TEX36: variants seen among roughly 807,000 people sequenced by gnomAD.
TEX36 encodes the protein testis expressed 36.
In TEX36, 12 loss-of-function variants were observed where a neutral mutation model predicts 13.6. That is an observed-to-expected ratio of 0.88 (90% CI 0.56 to 1.43). The LOEUF is 1.43. TEX36 is among the 40% of genes most tolerant of loss of function. The probability of loss-of-function intolerance (pLI) is 0.00; values close to 1 mark genes in which losing one functional copy is unlikely to be tolerated. For synonymous variants in TEX36, 93 were observed against 83.0 expected (o/e 1.12, Z -0.65); for missense variants, 224 against 228.3 (o/e 0.98, Z 0.12).
At chr10:125,618,655 C>T (rs531668893), downstream of TEX36, among the ~76,000 whole-genome samples, 1 of 152,150 alleles carries the variant, frequency 6.6e-6, no homozygotes, top group South Asian at 2.1e-4. Flanking sequence ...CTCCCAGCTC[C>T]ACAGCCTAGG....
chr10:125,666,668 C>T (rs1319009727), intron 1 of TEX36, among the ~76,000 whole-genome samples: 1 of 152,120 alleles, frequency 6.6e-6, no homozygotes, highest in African/African-American at 2.4e-5. Flanking sequence ...CTCCCCGCCC[C>T]CCCTCCTCCA....
chr10:125,676,887 A>C (rs1232918518), intron 1 of TEX36, among the ~76,000 whole-genome samples: 1 of 152,174 alleles, frequency 6.6e-6, no homozygotes, highest in African/African-American at 2.4e-5. Flanking sequence ...AGGTCAATCT[A>C]ATGGTAAAAA....
intron 1 of TEX36, among the ~76,000 whole-genome samples, chr10:125,670,725 G>C (rs567103267): frequency 1.4e-3 from 207 of 152,240 alleles, no homozygotes; most frequent in Non-Finnish European, 2.5e-3. Flanking sequence ...TATAGTTTTG[G>C]GGTTTACATT....
intron 3 of TEX36, among the ~76,000 whole-genome samples, chr10:125,634,290 CT>C (rs1846596909): frequency 6.6e-6 from 1 of 152,168 alleles, no homozygotes; most frequent in Non-Finnish European, 1.5e-5. Context: ...TGCAACATCT[CT>C]CTTTGATGCC....
At chr10:125,624,231 T>C (rs1188967419) in intron 3 of TEX36, among the ~76,000 whole-genome samples, 1 of 152,186 alleles carries the variant, frequency 6.6e-6, no homozygotes, top group South Asian at 2.1e-4. Flanking sequence ...CTCCCTGCCA[T>C]TCACTATCCC....
At chr10:125,595,266 GTCCCTCCCT>G (rs1846066307) in intron 3 of TEX36, among the ~76,000 whole-genome samples, 1 of 151,864 alleles carries the variant, frequency 6.6e-6, no homozygotes, top group Non-Finnish European at 1.5e-5. Flanking sequence ...TAAATAGGTT[GTCCCTCCCT>G]CATAAAAATC....
chr10:125,587,699 A>G (rs2133529023), intron 3 of TEX36, among the ~76,000 whole-genome samples: 1 of 150,638 alleles, frequency 6.6e-6, no homozygotes, highest in South Asian at 2.2e-4. Context: ...AGGCAGGAGA[A>G]TTGCTTGAAC....
chr10:125,648,799 G>C (rs984872515), intron 3 of TEX36, among the ~76,000 whole-genome samples: 1 of 152,160 alleles, frequency 6.6e-6, no homozygotes, highest in Non-Finnish European at 1.5e-5. Context: ...TTAATAAACA[G>C]AGTAGAGAAG....
downstream of TEX36, chr10:125,655,579 G>A: frequency 1.4e-6 from 1 of 711,642 alleles, no homozygotes; most frequent in Non-Finnish European, 1.8e-6. Context: ...AGGACATACA[G>A]GATTGGAGAT....
chr10:125,609,931 A>G (rs1488120424), intron 3 of TEX36, among the ~76,000 whole-genome samples: 1 of 152,220 alleles, frequency 6.6e-6, no homozygotes, highest in Non-Finnish European at 1.5e-5. Context: ...GGACGCAGTC[A>G]AGAGGCTGGA....
chr10:125,649,174 G>A (rs560900556), intron 3 of TEX36, among the ~76,000 whole-genome samples: 16 of 152,232 alleles, frequency 1.1e-4, no homozygotes, highest in South Asian at 1.0e-3. Context: ...GATACTCCTC[G>A]AGAAGTGCAA....
At chr10:125,587,108 G>A (rs1845963496) in intron 3 of TEX36, among the ~76,000 whole-genome samples, 1 of 152,156 alleles carries the variant, frequency 6.6e-6, no homozygotes, top group Non-Finnish European at 1.5e-5. Flanking sequence ...CCCAGAAGCA[G>A]AAGCCTGTAC....
chr10:125,644,502 A>G (rs1305271575), intron 3 of TEX36, among the ~76,000 whole-genome samples: 1 of 152,264 alleles, frequency 6.6e-6, no homozygotes, highest in East Asian at 1.9e-4. Context: ...AATGTCAGAC[A>G]TGATTAGCTA....
intron 3 of TEX36, among the ~76,000 whole-genome samples, chr10:125,581,119 C>T (rs1390565809): frequency 6.6e-6 from 1 of 152,326 alleles, no homozygotes; most frequent in East Asian, 1.9e-4. Context: ...TCCCTCCCAT[C>T]TCAAGTCCCC....
At position 125,647,626 on chromosome 10, in the gene TEX36, T is replaced by C. The variant is rs548927880; in HGVS notation, c.264+13395A>G. ...AGTGACACAGAAGATGGGTGATTTC[T>C]ACATTTCCAACTGAGTTACTGGGTT... On this transcript the variant is annotated intron_variant, in intron 3 of 3. Coordinates refer to the TEX36 transcript ENST00000526819. 1.4e-4 allele frequency among the ~76,000 whole-genome samples: 22 copies of C among 152,348 alleles called. 1 individual carries two copies. In the South Asian group the frequency reaches 4.6e-3, roughly 32 times the overall value.
chr10:125,676,670 T>C (rs1847318603), intron 1 of TEX36, among the ~76,000 whole-genome samples: 1 of 152,228 alleles, frequency 6.6e-6, no homozygotes, highest in Non-Finnish European at 1.5e-5. Context: ...TAAATTGTTT[T>C]CTTGTTGTTT....
downstream of TEX36, among the ~76,000 whole-genome samples, chr10:125,619,835 G>A (rs895369842): frequency 2.6e-5 from 4 of 151,904 alleles, no homozygotes; most frequent in South Asian, 2.1e-4. Context: ...GATTACAGGC[G>A]TGAGCCACCT....
intron 3 of TEX36, among the ~76,000 whole-genome samples, chr10:125,658,083 T>C (rs576487753): frequency 1.5e-4 from 23 of 152,188 alleles, no homozygotes; most frequent in African/African-American, 5.5e-4. Context: ...TAAATTGTCA[T>C]AATAATGTGA....
rs548632900 is a variant in TEX36 at position 125,608,829 on chromosome 10, T to C, written c.265-31955A>G. On this transcript the variant is annotated intron_variant, in intron 3 of 3. Transcript: ENST00000532135. ...CGGTATGTTAGAGGTAATACATGCA[T>C]GGAATAAAAATTTTAAAAAGGGAGG... Among the ~76,000 whole-genome samples, 12 of 151,650 alleles carry C rather than the reference T, an allele frequency of 7.9e-5. No homozygotes were observed. In the South Asian group the frequency reaches 2.5e-3, roughly 32 times the overall value.
Sources: gnomAD v4.1 joint callset for allele counts (sites outside exome capture counted in the v4.1 genomes callset) on GRCh38, gnomAD v4.1.1 for gene constraint, MANE v1.5 for transcripts, NCBI Gene and HGNC (gene_info 2026-07-23, HGNC 2026-07-21) for gene names.